The following ADAMTS2 variants were observed in gnomAD, a reference collection of about 807,000 sequenced individuals.
The protein encoded by ADAMTS2 is ADAM metallopeptidase with thrombospondin type 1 motif 2, also known as A disintegrin and metalloproteinase with thrombospondin motifs 2.
In ADAMTS2, 50 loss-of-function variants were observed where a neutral mutation model predicts 123.0. The ratio of observed to expected loss-of-function variants is 0.41; its 90% CI spans 0.32 to 0.51. ADAMTS2 has a LOEUF of 0.51. Ranked by LOEUF, ADAMTS2 falls within the 20% of genes least tolerant of loss-of-function variation. ADAMTS2 has a pLI of 0.35. For synonymous variants in ADAMTS2, 678 were observed against 695.4 expected, an observed-to-expected ratio of 0.98 and a Z score of 0.39; for missense variants, 1,494 against 1,705.2, an observed-to-expected ratio of 0.88 and a Z score of 2.18.
chr5:179,138,759 G>C (rs1038819375), intron 11 of ADAMTS2, among the ~76,000 whole-genome samples: 3 of 152,166 alleles, frequency 2.0e-5, no homozygotes, highest in African/African-American at 7.2e-5. Context: ...GTCCCACTGC[G>C]GGATCCCTCC....
At chr5:179,273,178 C>G in intron 2 of ADAMTS2, 114 bp from the exon 3 acceptor site, 1 of 1,492,762 alleles carries the variant, frequency 6.7e-7, no homozygotes, top group Non-Finnish European at 9.3e-7. Context: ...TGCCCAGCAC[C>G]CCAGCTGGTG....
chr5:179,340,911 A>G (rs1224762806), intron 2 of ADAMTS2, among the ~76,000 whole-genome samples: 2 of 152,250 alleles, frequency 1.3e-5, no homozygotes, highest in Admixed American at 1.3e-4. Flanking sequence ...ACTCTTCCGC[A>G]GCAACGTGAG....
intron 21 of ADAMTS2, among the ~76,000 whole-genome samples, chr5:179,119,457 TGG>T (rs2113172699): frequency 6.6e-6 from 1 of 152,312 alleles, no homozygotes; most frequent in Non-Finnish European, 1.5e-5. Context: ...GAGACTTCCA[TGG>T]GCAGGACACA....
intron 2 of ADAMTS2, among the ~76,000 whole-genome samples, chr5:179,277,319 ACACCC>A (rs1766726667): frequency 1.6e-5 from 1 of 62,664 alleles, no homozygotes; most frequent in Admixed American, 1.6e-4. Flanking sequence ...CCAAAGGCTG[ACACCC>A]CGAGACCAAA....
intron 3 of ADAMTS2, among the ~76,000 whole-genome samples, chr5:179,213,300 G>A (rs565688228): frequency 4.6e-5 from 7 of 152,146 alleles, no homozygotes; most frequent in African/African-American, 1.2e-4. Context: ...ACAGCACCCC[G>A]TGCTCTTCCT....
rs759417272 is a variant in ADAMTS2, at chr5:179,312,544, C to T, written c.534+31223G>A. ...AGCTTCCGATGCTTTTAAGCCGCTC[C>T]GTTTATGGTATTTGGCTATAGCAGC... On this transcript the variant is annotated intron_variant, in intron 2 of 21. Transcript: ENST00000251582. This position sits in a 1 kb window ranked among gnomAD's most constrained non-coding sequence, Gnocchi z 4.2. Among the ~76,000 whole-genome samples, 18 of 152,090 alleles carry T rather than the reference C, an allele frequency of 1.2e-4. No homozygotes were observed. Among genetic ancestry groups the T allele is most frequent in the Admixed American group, 2.6e-4 (4 of 15,274 alleles).
rs113422011 is a variant in ADAMTS2 at position 179,175,095 on chromosome 5, G to A, written c.975+5977C>T. 2.1e-5 allele frequency among the ~76,000 whole-genome samples: 3 copies of A among 142,996 alleles called. No individual in the cohort carries two copies. Among genetic ancestry groups the A allele is most frequent in the Non-Finnish European group, 3.0e-5 (2 of 65,798 alleles). 93.8% of individuals were successfully genotyped at this position (142,996 alleles called of 152,430 possible). On this transcript the variant is annotated intron_variant, in intron 5 of 21. Transcript: ENST00000251582. The surrounding 1 kb of genome is among the most constrained non-coding windows in gnomAD (Gnocchi z 4.1). ...GAAGTCTCTTCCTTGCTTGGGTTCC[G>A]CAGCTGTCTCAGCCATTCTTGACTG...
At chr5:179,301,022 C>A (rs979588118) in intron 2 of ADAMTS2, among the ~76,000 whole-genome samples, 6 of 152,138 alleles carry the variant, frequency 3.9e-5, no homozygotes, top group African/African-American at 1.2e-4. Flanking sequence ...CGGCGGCCAG[C>A]CCCCTCCTGG....
chr5:179,327,164 T>C (rs187035404), intron 2 of ADAMTS2, among the ~76,000 whole-genome samples: 98 of 152,274 alleles, frequency 6.4e-4, no homozygotes, highest in Non-Finnish European at 1.2e-3. Context: ...TTTCAAACAC[T>C]GGAAAAGCCA....
At chr5:179,236,160 C>G (rs1041781603) in intron 3 of ADAMTS2, among the ~76,000 whole-genome samples, 1 of 152,224 alleles carries the variant, frequency 6.6e-6, no homozygotes, top group African/African-American at 2.4e-5. Context: ...GAAGAGCTGC[C>G]TTGGGAGCAA....
intron 2 of ADAMTS2, among the ~76,000 whole-genome samples, chr5:179,301,753 T>C (rs1165006649): frequency 1.3e-5 from 2 of 152,254 alleles, no homozygotes; most frequent in Non-Finnish European, 2.9e-5. Flanking sequence ...CAACCCATCC[T>C]CTGGGAAAAG....
At chr5:179,310,160 T>C (rs1169711289) in intron 2 of ADAMTS2, among the ~76,000 whole-genome samples, 8 of 152,218 alleles carry the variant, frequency 5.3e-5, no homozygotes, top group Non-Finnish European at 8.8e-5. Flanking sequence ...GCACGTCCCA[T>C]GTCCCCACAG....
At chr5:179,220,503 G>T (rs375973026) in intron 3 of ADAMTS2, among the ~76,000 whole-genome samples, 27 of 152,242 alleles carry the variant, frequency 1.8e-4, no homozygotes, top group African/African-American at 6.0e-4. Flanking sequence ...TCCTCTGCCC[G>T]CACGTGCACC....
At chr5:179,335,803 C>G (rs970555932) in intron 2 of ADAMTS2, among the ~76,000 whole-genome samples, 4 of 152,204 alleles carry the variant, frequency 2.6e-5, no homozygotes, top group Non-Finnish European at 1.5e-5. Flanking sequence ...CCAATCCCTG[C>G]TTTCAAACAG....
intron 2 of ADAMTS2, among the ~76,000 whole-genome samples, chr5:179,315,038 A>AC (rs372515045): frequency 0.092 from 8,778 of 95,460 alleles, 360 homozygotes; most frequent in South Asian, 0.13. Context: ...TCCTACACCC[A>AC]CCCCCCCCAC....
chr5:179,217,599 T>G lies in ADAMTS2; in HGVS notation c.689-9884A>C, dbSNP rs1394848548. ...CTAGAAGAAAATGTAGCGAGGCACC[T>G]TTTTATCATCTTGCTGTTGGGCGGG... On this transcript the variant is annotated intron_variant, in intron 3 of 21. Transcript: ENST00000251582. 2.6e-5 allele frequency among the ~76,000 whole-genome samples: 4 copies of G among 152,226 alleles called. No individual in the cohort carries two copies. In the East Asian group the frequency reaches 7.7e-4, roughly 29 times the overall value.
At chr5:179,144,709 T>C (rs186915091) in intron 10 of ADAMTS2, among the ~76,000 whole-genome samples, 183 of 152,364 alleles carry the variant, frequency 1.2e-3, no homozygotes, top group African/African-American at 4.1e-3. Flanking sequence ...AAGAATGACG[T>C]TGGACATCTT....
At chr5:179,309,406 T>C (rs1224942958) in intron 2 of ADAMTS2, among the ~76,000 whole-genome samples, 1 of 152,194 alleles carries the variant, frequency 6.6e-6, no homozygotes, top group Non-Finnish European at 1.5e-5. Context: ...GACCCAGACC[T>C]GACCTTCAAC....
Position 179,126,002 on chromosome 5 carries a change from G to C in ADAMTS2, c.2746C>G (p.Pro916Ala). 1 of 1,613,436 alleles carries C rather than the reference G, an allele frequency of 6.2e-7. No homozygotes were observed. Among genetic ancestry groups the C allele is most frequent in the East Asian group, 2.2e-5 (1 of 44,884 alleles). ...RACNPQECSQ[P>A]VWVTGEWEPC... ...GCCCGAGCTGGGGGCACTCACACTG[G>C]CTGGGAGCATTCCTGTGGGTTGCAC... Residue 916 changes from proline to alanine, a missense_variant, in exon 18 of 22, where the codon CCA becomes GCA. Physicochemically the swap from Pro to Ala is conservative, Grantham distance 27. Coordinates refer to ENST00000251582, the MANE Select transcript of ADAMTS2 (RefSeq NM_014244.5).
Sources: gnomAD v4.1 joint callset for allele counts (sites outside exome capture counted in the v4.1 genomes callset) on GRCh38, gnomAD v4.1.1 for gene constraint, Gnocchi (gnomAD v3.1) non-coding constraint, MANE v1.5 for transcripts, NCBI Gene and HGNC (gene_info 2026-07-23, HGNC 2026-07-21) for gene names.